KCNIP4: variants seen among roughly 807,000 people sequenced by gnomAD.
KCNIP4 encodes the protein Kv channel-interacting protein 4.
Under a neutral mutation model 34.0 loss-of-function variants are expected in KCNIP4, and 12 were observed. That is an observed-to-expected ratio of 0.35 (90% CI 0.23 to 0.57). KCNIP4 has a LOEUF of 0.57. Among genes scored for constraint, KCNIP4 ranks in the 20% least tolerant of loss-of-function variants. The pLI is 0.83. For synonymous variants in KCNIP4, 124 were observed against 102.2 expected (o/e 1.21, Z -1.29); for missense variants, 238 against 311.7 (o/e 0.76, Z 1.78).
rs147504414 is a variant in KCNIP4 at position 21,640,879 on chromosome 4, C to T, written c.61+307692G>A. Among the ~76,000 whole-genome samples, 476 of 152,240 alleles carry T rather than the reference C, an allele frequency of 3.1e-3. 3 individuals are homozygous for T. Among genetic ancestry groups the T allele is most frequent in the African/African-American group, 0.011 (452 of 41,528 alleles). On this transcript the variant is annotated intron_variant, in intron 1 of 8. Transcript: ENST00000382152. ...TTGTTGGTGACAGATAGGGATTCTA[C>T]TTAAAATCTTTGACAGGACCATACA...
chr4:21,676,239 G>T (rs1158215782), intron 1 of KCNIP4, among the ~76,000 whole-genome samples: 2 of 152,126 alleles, frequency 1.3e-5, no homozygotes, highest in Non-Finnish European at 2.9e-5. Flanking sequence ...CCAAAGGACT[G>T]CCACCTCACG....
At chr4:21,707,533 C>T (rs1366986202) in intron 1 of KCNIP4, among the ~76,000 whole-genome samples, 1 of 151,928 alleles carries the variant, frequency 6.6e-6, no homozygotes, top group African/African-American at 2.4e-5. Flanking sequence ...TGGAAATGTG[C>T]ACCAGGTAGA....
intron 1 of KCNIP4, among the ~76,000 whole-genome samples, chr4:21,604,643 T>C (rs1743489374): frequency 6.6e-6 from 1 of 152,088 alleles, no homozygotes; most frequent in African/African-American, 2.4e-5. Context: ...CCATACAGAG[T>C]TTCATAGATT....
intron 1 of KCNIP4, among the ~76,000 whole-genome samples, chr4:21,193,571 A>ATTTTTTTTTTTT (rs71655619): frequency 4.2e-5 from 5 of 119,236 alleles, no homozygotes; most frequent in African/African-American, 1.1e-4. Context: ...GCAATTTTAA[A>ATTTTTTTTTTTT]TTTTTTTTTT....
intron 1 of KCNIP4, among the ~76,000 whole-genome samples, chr4:21,399,365 A>G (rs1022802416): frequency 3.9e-5 from 6 of 152,210 alleles, no homozygotes; most frequent in Non-Finnish European, 7.3e-5. Context: ...TGATGCAGGC[A>G]TTGTCTGCAA....
intron 1 of KCNIP4, among the ~76,000 whole-genome samples, chr4:21,531,458 C>A (rs1386639817): frequency 6.6e-6 from 1 of 151,576 alleles, no homozygotes; most frequent in Admixed American, 6.6e-5. Flanking sequence ...TCACTGCAAC[C>A]TCCACCTCCT....
chr4:21,004,468 A>C (rs1439155834), intron 1 of KCNIP4, among the ~76,000 whole-genome samples: 1 of 152,200 alleles, frequency 6.6e-6, no homozygotes, highest in African/African-American at 2.4e-5. Context: ...CGCTGTCAAG[A>C]TATCCTGGAG....
At chr4:21,896,084 T>G (rs2109411383) in intron 1 of KCNIP4, among the ~76,000 whole-genome samples, 2 of 152,290 alleles carry the variant, frequency 1.3e-5, no homozygotes, top group Admixed American at 1.3e-4. Flanking sequence ...TAATCCATGC[T>G]AAGACCTTTC....
intron 1 of KCNIP4, among the ~76,000 whole-genome samples, chr4:21,687,529 C>A (rs192457538): frequency 1.3e-5 from 2 of 152,072 alleles, no homozygotes; most frequent in African/African-American, 2.4e-5. Context: ...CAACAAAAAA[C>A]CCATAATTAT....
At chr4:20,795,703 T>G (rs909222013) in intron 3 of KCNIP4, among the ~76,000 whole-genome samples, 1 of 151,460 alleles carries the variant, frequency 6.6e-6, no homozygotes, top group Non-Finnish European at 1.5e-5. Context: ...GCTCTATAAC[T>G]CTAGTTTTTT....
chr4:21,869,141 A>G (rs115812791), intron 1 of KCNIP4, among the ~76,000 whole-genome samples: 2,597 of 152,156 alleles, frequency 0.017, 74 homozygotes, highest in African/African-American at 0.058. Context: ...GACGTCCTGC[A>G]CTGCTGCTAT....
intron 1 of KCNIP4, among the ~76,000 whole-genome samples, chr4:21,380,554 G>C (rs906476372): frequency 5.9e-5 from 9 of 151,806 alleles, no homozygotes; most frequent in African/African-American, 1.7e-4. Flanking sequence ...CTTAATTTGA[G>C]GGATTTTTGA....
At chr4:21,054,624 G>A (rs184069665) in intron 1 of KCNIP4, among the ~76,000 whole-genome samples, 1 of 150,204 alleles carries the variant, frequency 6.7e-6, no homozygotes, top group East Asian at 2.0e-4. Flanking sequence ...AAGGAGCAAA[G>A]GTAATACAAT....
intron 1 of KCNIP4, among the ~76,000 whole-genome samples, chr4:21,742,477 A>G (rs1716479857): frequency 6.6e-6 from 1 of 152,212 alleles, no homozygotes; most frequent in Admixed American, 6.5e-5. Flanking sequence ...TTCTCATTGC[A>G]AAGTAGAAAG....
At chr4:20,736,681 T>C (rs772963656) in intron 5 of KCNIP4, among the ~76,000 whole-genome samples, 1 of 152,218 alleles carries the variant, frequency 6.6e-6, no homozygotes, top group African/African-American at 2.4e-5. Flanking sequence ...AATATTTCAA[T>C]TCGCTTTTAA....
chr4:21,646,217 A>G (rs919809975), intron 1 of KCNIP4, among the ~76,000 whole-genome samples: 1 of 152,184 alleles, frequency 6.6e-6, no homozygotes, highest in African/African-American at 2.4e-5. Context: ...GACTCTGTAT[A>G]GTAGATTCTA....
chr4:21,524,533 T>G (rs1379711141), intron 1 of KCNIP4, among the ~76,000 whole-genome samples: 1 of 152,156 alleles, frequency 6.6e-6, no homozygotes, highest in Non-Finnish European at 1.5e-5. Flanking sequence ...TATCCAGTTC[T>G]TTTTCATTTT....
intron 1 of KCNIP4, among the ~76,000 whole-genome samples, chr4:21,131,971 T>C (rs528430545): frequency 1.3e-5 from 2 of 152,322 alleles, no homozygotes; most frequent in African/African-American, 4.8e-5. Flanking sequence ...TTAATCAGTG[T>C]TAATTTTTTC....
chr4:21,449,381 C>T (rs1232626679), intron 1 of KCNIP4, among the ~76,000 whole-genome samples: 4 of 152,002 alleles, frequency 2.6e-5, no homozygotes, highest in African/African-American at 9.7e-5. Flanking sequence ...AAGAATTTTG[C>T]CTCAAGATGG....
Sources: allele counts gnomAD v4.1 joint callset (sites outside exome capture counted in the v4.1 genomes callset), GRCh38; gene constraint gnomAD v4.1.1; transcripts MANE v1.5; gene names NCBI Gene and HGNC (gene_info 2026-07-23, HGNC 2026-07-21).